Variants in RAD51B observed in about 807,000 individuals in gnomAD.
The protein encoded by RAD51B is RAD51 paralog B.
A neutral mutation model predicts 42.2 loss-of-function variants in RAD51B; 38 were observed. The observed-to-expected ratio is 0.90, with a 90% CI of 0.70 to 1.18. The LOEUF is 1.18. Among genes scored for constraint, RAD51B ranks in the 50% most tolerant of loss-of-function variants. RAD51B has a pLI of 0.00. For synonymous variants in RAD51B, 154 were observed against 145.2 expected, an observed-to-expected ratio of 1.06 and a Z score of -0.43; for missense variants, 373 against 400.7, an observed-to-expected ratio of 0.93 and a Z score of 0.59.
At chr14:68,236,268 C>A (rs1262180750) in intron 7 of RAD51B, 2 of 152,154 alleles carry the variant, frequency 1.3e-5, no homozygotes, top group African/African-American at 4.8e-5. Context: ...CCATGTTGCC[C>A]AGGCTGGAGT....
At chr14:67,992,733 A>AT (rs1193297789) in intron 7 of RAD51B, among the ~76,000 whole-genome samples, 5 of 151,000 alleles carry the variant, frequency 3.3e-5, no homozygotes, top group African/African-American at 9.8e-5. Flanking sequence ...AGGACTTAAC[A>AT]TAAGTATTTA....
At chr14:68,368,674 G>A (rs1027918455) in intron 8 of RAD51B, among the ~76,000 whole-genome samples, 1 of 152,186 alleles carries the variant, frequency 6.6e-6, no homozygotes, top group Non-Finnish European at 1.5e-5. Context: ...CTGCTACCGA[G>A]GCTGCTGCTT....
At chr14:68,400,983 T>A (rs2084087610) in intron 8 of RAD51B, among the ~76,000 whole-genome samples, 1 of 152,066 alleles carries the variant, frequency 6.6e-6, no homozygotes, top group Non-Finnish European at 1.5e-5. Flanking sequence ...TCCTGGAGAA[T>A]GTTGGGAGTT....
chr14:68,610,881 GTGTGTC>G (rs1378287955), intron 10 of RAD51B: 114 of 420,948 alleles, frequency 2.7e-4, no homozygotes, highest in Middle Eastern at 6.8e-4. Flanking sequence ...GTGTGTGTGT[GTGTGTC>G]ATCTCCCTAG....
chr14:67,831,473 A>G (rs1426250757), intron 3 of RAD51B, among the ~76,000 whole-genome samples: 2 of 152,216 alleles, frequency 1.3e-5, no homozygotes, highest in African/African-American at 4.8e-5. Flanking sequence ...GTGTCATATC[A>G]CAAAACTCTT....
intron 7 of RAD51B, among the ~76,000 whole-genome samples, chr14:68,056,700 A>T (rs1206041363): frequency 6.7e-6 from 1 of 150,112 alleles, no homozygotes; most frequent in African/African-American, 2.5e-5. Flanking sequence ...GTGAGCCGAG[A>T]TCACACCACC....
chr14:68,652,224 G>C (rs1021517545), intron 11 of RAD51B, among the ~76,000 whole-genome samples: 3 of 152,220 alleles, frequency 2.0e-5, no homozygotes, highest in Admixed American at 1.3e-4. Context: ...ATAGCCCGCA[G>C]TCTGCGCTCC....
At chr14:68,254,666 C>G (rs995287420) in intron 7 of RAD51B, among the ~76,000 whole-genome samples, 1 of 152,150 alleles carries the variant, frequency 6.6e-6, no homozygotes, top group African/African-American at 2.4e-5. Flanking sequence ...ATTTTGGAAA[C>G]TATATTTCTA....
intron 7 of RAD51B, among the ~76,000 whole-genome samples, chr14:68,064,959 A>C (rs1333951615): frequency 1.3e-5 from 2 of 151,940 alleles, no homozygotes; most frequent in Non-Finnish European, 2.9e-5. Flanking sequence ...TTTTTTGGCA[A>C]TTTATAAATT....
intron 11 of RAD51B, among the ~76,000 whole-genome samples, chr14:68,667,455 TATAAAAA>T (rs879643788): frequency 0.084 from 12,740 of 152,092 alleles, 594 homozygotes; most frequent in Middle Eastern, 0.13. Flanking sequence ...GTAAATCAAA[TATAAAAA>T]CTACCTTCAC....
intron 10 of RAD51B, among the ~76,000 whole-genome samples, chr14:68,575,834 T>G (rs79289053): frequency 0.011 from 1,648 of 152,324 alleles, 32 homozygotes; most frequent in African/African-American, 0.038. Context: ...TTGAAATACA[T>G]ATAGAAAGAT....
At chr14:68,633,635 C>T (rs1457545834) in intron 10 of RAD51B, among the ~76,000 whole-genome samples, 1 of 152,216 alleles carries the variant, frequency 6.6e-6, no homozygotes, top group East Asian at 1.9e-4. Flanking sequence ...TTGTTTTTCT[C>T]CAAATGTTTA....
chr14:68,415,637 G>A (rs2084537321), intron 9 of RAD51B, among the ~76,000 whole-genome samples: 1 of 152,218 alleles, frequency 6.6e-6, no homozygotes, highest in African/African-American at 2.4e-5. Context: ...AGCGATGAAT[G>A]AGGCAGAGCA....
At chr14:67,912,736 C>T (rs1366137916) in intron 7 of RAD51B, among the ~76,000 whole-genome samples, 2 of 149,654 alleles carry the variant, frequency 1.3e-5, no homozygotes, top group African/African-American at 4.9e-5. Flanking sequence ...GATGGAGTCT[C>T]ACTCTGTTGC....
intron 10 of RAD51B, among the ~76,000 whole-genome samples, chr14:68,544,789 C>T (rs1888136605): frequency 6.6e-6 from 1 of 152,174 alleles, no homozygotes. Context: ...AAATCTACCT[C>T]TTATTTTTAT....
rs1247280477 is a variant in RAD51B, at chr14:67,887,064, C to T, written c.616C>T (p.Leu206Phe). The T allele has an allele frequency of 8.3e-6, 13 of 1,560,190 alleles. No individual in the cohort carries two copies. Among genetic ancestry groups the T allele is most frequent in the Admixed American group, 1.8e-5 (1 of 56,768 alleles). The change falls in exon 7 of 11, where the codon CTT becomes TTT. Residue 206 changes from leucine to phenylalanine, a missense_variant. Physicochemically the swap from Leu to Phe is conservative, Grantham distance 22. Transcript: ENST00000471583. ...AGAAATTATCTCAAAAGGAATTAAA[C>T]TTGTGATTCTTGACTCTGTTGCTTC... The part of the protein sequence containing the change: ...EEEIISKGIK[L>F]VILDSVASVV...
chr14:68,155,899 A>G (rs1172485626), intron 7 of RAD51B, among the ~76,000 whole-genome samples: 2 of 152,372 alleles, frequency 1.3e-5, no homozygotes, highest in South Asian at 4.1e-4. Flanking sequence ...GTGTAAGATT[A>G]GTAACACATA....
intron 7 of RAD51B, among the ~76,000 whole-genome samples, chr14:68,111,425 G>T (rs2077457601): frequency 6.6e-6 from 1 of 152,052 alleles, no homozygotes; most frequent in Non-Finnish European, 1.5e-5. Context: ...TTAAAAGCAA[G>T]CAAATTTATA....
chr14:67,891,958 A>G (rs1566944576), intron 7 of RAD51B, among the ~76,000 whole-genome samples: 1 of 152,228 alleles, frequency 6.6e-6, no homozygotes, highest in Admixed American at 6.5e-5. Context: ...ATTGTAAAGT[A>G]GGAATCCTAG....
Sources: allele counts gnomAD v4.1 joint callset (sites outside exome capture counted in the v4.1 genomes callset), GRCh38; gene constraint gnomAD v4.1.1; transcripts MANE v1.5; gene names NCBI Gene and HGNC (gene_info 2026-07-23, HGNC 2026-07-21).